Variants in CRACR2A observed in about 807,000 individuals in gnomAD.
CRACR2A encodes calcium release activated channel regulator 2A, also known as EF-hand calcium-binding domain-containing protein 4B.
CRACR2A carries 79 observed loss-of-function variants against 90.5 expected under a neutral mutation model. That is an observed-to-expected ratio of 0.87 (90% CI 0.73 to 1.05). The LOEUF is 1.05. CRACR2A is among the 50% of genes least tolerant of loss of function. The probability of loss-of-function intolerance (pLI) is 0.00; values close to 1 mark genes in which losing one functional copy is unlikely to be tolerated. For missense variants in CRACR2A, 823 were observed against 897.2 expected (o/e 0.92, Z 1.06); for synonymous variants, 338 against 356.7 (o/e 0.95, Z 0.59).
intron 2 of CRACR2A, among the ~76,000 whole-genome samples, chr12:3,723,462 CTG>C (rs1386256764): frequency 1.3e-5 from 2 of 152,086 alleles, no homozygotes; most frequent in Non-Finnish European, 2.9e-5. Context: ...GGTTTGGAAA[CTG>C]TGTGTGTTTG....
At chr12:3,658,515 G>A (rs1298789483) in intron 8 of CRACR2A, among the ~76,000 whole-genome samples, 4 of 152,214 alleles carry the variant, frequency 2.6e-5, no homozygotes. Flanking sequence ...GGCGCTACAA[G>A]AGGGAGGAGG....
At chr12:3,749,515 T>A (rs948726017) in intron 1 of CRACR2A, among the ~76,000 whole-genome samples, 13 of 152,194 alleles carry the variant, frequency 8.5e-5, no homozygotes, top group Admixed American at 3.9e-4. Flanking sequence ...CTCTGCACTT[T>A]GTCTCTTCTC....
chr12:3,678,936 C>A lies in CRACR2A; in HGVS notation c.503G>T (p.Gly168Val), dbSNP rs773895003. ...AQFRMLMDRL[G>V]AQKVLEDESD... ...TTACTCTTCCAACACCTTTTGGGCT[C>A]CAAGTCTGTCCATCAGCATCCGGAA... is the stretch of plus-strand genomic sequence containing the variant. Residue 168 changes from glycine to valine, a missense_variant, in exon 6 of 20, where the codon GGA (glycine) becomes GTA (valine). Coordinates refer to ENST00000440314, the MANE Select transcript of CRACR2A (RefSeq NM_001144958.2). The A allele has an allele frequency of 1.4e-5, 22 of 1,610,620 alleles. No homozygotes were observed. The highest frequency in any genetic ancestry group is 1.7e-5 in the Non-Finnish European group (20 of 1,178,858).
At chr12:3,666,330 C>CGCGT (rs1555112060) in intron 7 of CRACR2A, among the ~76,000 whole-genome samples, 2 of 139,582 alleles carry the variant, frequency 1.4e-5, no homozygotes, top group African/African-American at 5.3e-5. Flanking sequence ...AGGACGGCTG[C>CGCGT]GTGTGTGTGT....
intron 17 of CRACR2A, among the ~76,000 whole-genome samples, chr12:3,621,671 A>AAAAAAAAAAAAAAAAAAAC: frequency 6.9e-6 from 1 of 145,304 alleles, no homozygotes; most frequent in Non-Finnish European, 1.5e-5. Flanking sequence ...AAAAAAAAAA[A>AAAAAAAAAAAAAAAAAAAC]AAAAAAAAAA....
chr12:3,739,215 T>C (rs1946489354), intron 1 of CRACR2A, among the ~76,000 whole-genome samples: 1 of 152,176 alleles, frequency 6.6e-6, no homozygotes. Context: ...AGTTACAGAT[T>C]GGTAGTCAGA....
chr12:3,748,747 C>T (rs1021719288), intron 1 of CRACR2A, among the ~76,000 whole-genome samples: 1 of 152,210 alleles, frequency 6.6e-6, no homozygotes, highest in Non-Finnish European at 1.5e-5. Flanking sequence ...GAGGCCAAGA[C>T]TCAGCACTGT....
intron 15 of CRACR2A, among the ~76,000 whole-genome samples, chr12:3,631,697 T>C (rs1944378247): frequency 6.6e-6 from 1 of 152,150 alleles, no homozygotes; most frequent in South Asian, 2.1e-4. Context: ...AGGAAAGGCA[T>C]GGGAAGATAT....
chr12:3,649,304 A>G lies in CRACR2A; in HGVS notation c.1047-691T>C, dbSNP rs1006688026. 3.9e-5 allele frequency among the ~76,000 whole-genome samples: 6 copies of G among 152,278 alleles called. No individual in the cohort carries two copies. The East Asian group carries it at 9.6e-4, about 24-fold the overall frequency. ...TCCAGGCTCCAAACTGCCCTATCCT[A>G]TCCAGACTTCAGGGAATTCAAATCA... On this transcript the variant is annotated intron_variant, in intron 10 of 19. Transcript: ENST00000440314.
intron 1 of CRACR2A, among the ~76,000 whole-genome samples, chr12:3,734,623 GTGTGTA>G (rs1233369470): frequency 2.4e-5 from 2 of 82,896 alleles, no homozygotes; most frequent in African/African-American, 1.4e-4. Context: ...ACTGTGAGGT[GTGTGTA>G]TGTGTGTGTG....
intron 3 of CRACR2A, among the ~76,000 whole-genome samples, chr12:3,712,363 A>T (rs143691377): frequency 3.9e-5 from 6 of 152,318 alleles, no homozygotes; most frequent in Non-Finnish European, 8.8e-5. Flanking sequence ...TCTGCAAGCT[A>T]TGCAAGCATG....
chr12:3,715,748 T>G (rs1946074153), intron 2 of CRACR2A, among the ~76,000 whole-genome samples: 1 of 152,208 alleles, frequency 6.6e-6, no homozygotes, highest in Non-Finnish European at 1.5e-5. Flanking sequence ...CCAACATAAG[T>G]TCCATCATGT....
At chr12:3,735,363 A>T (rs916984788) in intron 1 of CRACR2A, among the ~76,000 whole-genome samples, 1 of 152,180 alleles carries the variant, frequency 6.6e-6, no homozygotes, top group African/African-American at 2.4e-5. Context: ...GCGCTGGGAG[A>T]GTGTTAGCAA....
intron 3 of CRACR2A, among the ~76,000 whole-genome samples, chr12:3,707,079 G>A (rs529396509): frequency 6.6e-6 from 1 of 152,266 alleles, no homozygotes; most frequent in South Asian, 2.1e-4. Flanking sequence ...AGGATTTCCT[G>A]GTGTGATTTT....
At chr12:3,748,767 G>A (rs554589623) in intron 1 of CRACR2A, among the ~76,000 whole-genome samples, 97 of 152,332 alleles carry the variant, frequency 6.4e-4, no homozygotes, top group African/African-American at 1.9e-3. Context: ...TGTACAAGGT[G>A]TGGAGCCTGT....
intron 3 of CRACR2A, among the ~76,000 whole-genome samples, chr12:3,697,351 AGAT>A (rs1403666791): frequency 6.6e-6 from 1 of 152,236 alleles, no homozygotes; most frequent in Non-Finnish European, 1.5e-5. Flanking sequence ...ACAACAAAAC[AGAT>A]CCTGATAGAC....
At chr12:3,678,527 G>T (rs1332775552) in intron 6 of CRACR2A, among the ~76,000 whole-genome samples, 1 of 152,112 alleles carries the variant, frequency 6.6e-6, no homozygotes, top group Non-Finnish European at 1.5e-5. Context: ...GATGGTGATA[G>T]GAAGCCTTAG....
chr12:3,723,930 C>A (rs1946222288), intron 2 of CRACR2A, among the ~76,000 whole-genome samples: 1 of 152,164 alleles, frequency 6.6e-6, no homozygotes, highest in African/African-American at 2.4e-5. Context: ...ATGTTTATTT[C>A]CAGAAAATGA....
At position 3,753,071 on chromosome 12, in the gene CRACR2A, G is replaced by T. The variant is rs964558534; in HGVS notation, c.-443C>A. Reference sequence around the variant, plus strand: ...CGCGCCGCCCGCTCGGCTCTCAGCTGTCAAGCAGCCGCCTGCTCCGCCCGA... The same window carrying T: ...CGCGCCGCCCGCTCGGCTCTCAGCTTTCAAGCAGCCGCCTGCTCCGCCCGA... On this transcript the variant is annotated 5_prime_UTR_variant, in exon 1 of 20. Coordinates refer to ENST00000440314, the MANE Select transcript of CRACR2A (RefSeq NM_001144958.2). The T allele has an allele frequency of 6.6e-6, 1 of 152,464 alleles. No homozygotes were observed. Among genetic ancestry groups the T allele is most frequent in the Non-Finnish European group, 1.5e-5 (1 of 68,230 alleles). The allele number at this position is 152,464 out of a possible 1,614,324, so 9.4% of individuals were successfully genotyped here. A position where few individuals can be genotyped will look rare whatever the true frequency, so the allele number is the denominator to read the frequency against.
Sources: allele counts gnomAD v4.1 joint callset (sites outside exome capture counted in the v4.1 genomes callset), GRCh38; gene constraint gnomAD v4.1.1; transcripts MANE v1.5; gene names NCBI Gene and HGNC (gene_info 2026-07-23, HGNC 2026-07-21).